The following PTPRK variants were observed in gnomAD, a reference collection of about 807,000 sequenced individuals.
The protein encoded by PTPRK is receptor-type tyrosine-protein phosphatase kappa.
Under a neutral mutation model 178.0 loss-of-function variants are expected in PTPRK, and 75 were observed. The ratio of observed to expected loss-of-function variants is 0.42; its 90% CI spans 0.35 to 0.51. The LOEUF (loss-of-function observed/expected upper bound fraction) is 0.51. Ranked by LOEUF, PTPRK falls within the 20% of genes least tolerant of loss-of-function variation. The pLI is 0.02. For synonymous variants in PTPRK, 637 were observed against 620.6 expected (o/e 1.03, Z -0.39); for missense variants, 1,441 against 1,797.8 (o/e 0.80, Z 3.59).
intron 1 of PTPRK, among the ~76,000 whole-genome samples, chr6:128,447,958 A>G (rs1847251117): frequency 6.6e-6 from 1 of 152,130 alleles, no homozygotes; most frequent in Admixed American, 6.6e-5. Context: ...TGTAGCACAA[A>G]AGCAAAGGCC....
chr6:127,980,625 CAT>C (rs1775221927), intron 25 of PTPRK, among the ~76,000 whole-genome samples: 1 of 152,088 alleles, frequency 6.6e-6, no homozygotes, highest in Non-Finnish European at 1.5e-5. Context: ...GATGTGTTAA[CAT>C]AATACCATCC....
chr6:128,253,011 C>T (rs148615690), intron 3 of PTPRK, among the ~76,000 whole-genome samples: 11 of 152,258 alleles, frequency 7.2e-5, no homozygotes, highest in African/African-American at 2.6e-4. Flanking sequence ...TGTGGTGAAG[C>T]TGCCTGAGAC....
chr6:128,437,906 C>T lies in PTPRK; in HGVS notation c.101-40218G>A, dbSNP rs549651403. Among the ~76,000 whole-genome samples the T allele has an allele frequency of 2.2e-4, 33 of 152,308 alleles. No individual in the cohort carries two copies. The South Asian group carries it at 5.4e-3, about 25-fold the overall frequency. On this transcript the variant is annotated intron_variant, in intron 1 of 29. Coordinates refer to ENST00000368226, the MANE Select transcript of PTPRK (RefSeq NM_002844.4). Reference sequence around the variant, plus strand: ...CAGGGTTAACAGGACACAGTCATCCCTCGCATAGGCGGGAGAGATCAGTTT... The same window carrying T: ...CAGGGTTAACAGGACACAGTCATCCTTCGCATAGGCGGGAGAGATCAGTTT...
chr6:128,059,685 T>C (rs1780495972), intron 13 of PTPRK, among the ~76,000 whole-genome samples: 1 of 152,132 alleles, frequency 6.6e-6, no homozygotes, highest in African/African-American at 2.4e-5. Context: ...AAATGTAAGG[T>C]ACCTGCAACA....
intron 13 of PTPRK, among the ~76,000 whole-genome samples, chr6:128,061,112 T>A (rs907936528): frequency 6.6e-6 from 1 of 152,176 alleles, no homozygotes; most frequent in Non-Finnish European, 1.5e-5. Flanking sequence ...TAAATAATTT[T>A]TTTTTGTTTT....
At chr6:128,174,991 C>T (rs60451331) in intron 7 of PTPRK, among the ~76,000 whole-genome samples, 5,684 of 151,966 alleles carry the variant, frequency 0.037, 358 homozygotes, top group African/African-American at 0.13. Flanking sequence ...GCCTGACACA[C>T]AGCAATTACT....
At chr6:128,464,610 TATAC>T (rs1422133095) in intron 1 of PTPRK, among the ~76,000 whole-genome samples, 7 of 113,868 alleles carry the variant, frequency 6.1e-5, no homozygotes, top group African/African-American at 2.1e-4. Flanking sequence ...AATATATATA[TATAC>T]ATATACATAT....
At chr6:128,223,588 G>A (rs1029868251) in intron 5 of PTPRK, among the ~76,000 whole-genome samples, 6 of 152,038 alleles carry the variant, frequency 3.9e-5, no homozygotes, top group African/African-American at 9.7e-5. Context: ...AAAGACTTAT[G>A]TGATATTTAT....
intron 1 of PTPRK, among the ~76,000 whole-genome samples, chr6:128,460,613 A>G (rs935835814): frequency 3.3e-5 from 5 of 152,156 alleles, no homozygotes; most frequent in Non-Finnish European, 7.4e-5. Flanking sequence ...AGAGTTGCCA[A>G]TTTGGGGGTG....
chr6:128,008,216 AC>A (rs1335878238), intron 14 of PTPRK: 3 of 397,536 alleles, frequency 7.5e-6, no homozygotes, highest in African/African-American at 6.7e-5. Flanking sequence ...ATAATAGTAA[AC>A]TAGATAATTT....
intron 1 of PTPRK, among the ~76,000 whole-genome samples, chr6:128,461,949 C>A (rs191408438): frequency 1.3e-5 from 2 of 152,182 alleles, no homozygotes. Context: ...TTTCATATTA[C>A]ATCTAACATT....
intron 7 of PTPRK, among the ~76,000 whole-genome samples, chr6:128,106,756 G>A (rs1217364843): frequency 6.6e-6 from 1 of 152,022 alleles, no homozygotes; most frequent in Non-Finnish European, 1.5e-5. Flanking sequence ...TAAAACTATG[G>A]GGAGAATTGT....
chr6:128,055,807 G>A (rs1269553938), intron 13 of PTPRK, among the ~76,000 whole-genome samples: 3 of 151,932 alleles, frequency 2.0e-5, no homozygotes, highest in African/African-American at 7.3e-5. Flanking sequence ...TCACTGTGTT[G>A]CACAGGTTGA....
intron 3 of PTPRK, among the ~76,000 whole-genome samples, chr6:128,288,461 A>G (rs1583919417): frequency 6.6e-6 from 1 of 152,100 alleles, no homozygotes; most frequent in South Asian, 2.1e-4. Flanking sequence ...ATCATTTTCA[A>G]TTTGTGTGCT....
At position 128,240,122 on chromosome 6, in the gene PTPRK, C is replaced by A. The variant is rs200395931; in HGVS notation, c.606G>T (p.Gly202=). The part of the protein sequence containing the change: ...CDKSPHFLRL[G]DVEVNAGQNA... Reference sequence around the variant, plus strand: ...TTTGCCCTGCATTCACCTCTACATCCCCTAGACGGAGGAAATGAGGAGATT... The same window carrying A: ...TTTGCCCTGCATTCACCTCTACATCACCTAGACGGAGGAAATGAGGAGATT... Residue 202 remains glycine (G), a synonymous_variant, in exon 5 of 30, where the codon GGG becomes GGT. Coordinates refer to ENST00000368226, the MANE Select transcript of PTPRK (RefSeq NM_002844.4). The A allele has an allele frequency of 4.5e-5, 72 of 1,613,528 alleles. No homozygotes were observed. In the Middle Eastern group the frequency reaches 4.9e-4, roughly 11 times the overall value.
At chr6:128,435,607 T>A (rs776786044) in intron 1 of PTPRK, among the ~76,000 whole-genome samples, 1 of 152,178 alleles carries the variant, frequency 6.6e-6, no homozygotes, top group Non-Finnish European at 1.5e-5. Context: ...TAGTTTTCTA[T>A]CTTTCTGGTG....
intron 1 of PTPRK, among the ~76,000 whole-genome samples, chr6:128,418,831 CCTT>C (rs913276648): frequency 6.6e-6 from 1 of 152,134 alleles, no homozygotes; most frequent in African/African-American, 2.4e-5. Flanking sequence ...ATCTCAACCA[CCTT>C]CTTGTCTATA....
At chr6:128,040,925 T>A (rs915747166) in intron 13 of PTPRK, among the ~76,000 whole-genome samples, 4 of 152,116 alleles carry the variant, frequency 2.6e-5, no homozygotes, top group Non-Finnish European at 5.9e-5. Context: ...TCAGTTGAGA[T>A]CTGTGTCAAA....
At chr6:128,148,580 C>T (rs1159363810) in intron 7 of PTPRK, among the ~76,000 whole-genome samples, 1 of 152,030 alleles carries the variant, frequency 6.6e-6, no homozygotes, top group Non-Finnish European at 1.5e-5. Context: ...ACAGTTAATG[C>T]TGATCATTAG....
Sources: allele counts gnomAD v4.1 joint callset (sites outside exome capture counted in the v4.1 genomes callset), GRCh38; gene constraint gnomAD v4.1.1; transcripts MANE v1.5; gene names NCBI Gene and HGNC (gene_info 2026-07-23, HGNC 2026-07-21).